NBAS: variants seen among roughly 807,000 people sequenced by gnomAD.
The protein encoded by NBAS is NAG/BC035112 fusion.
Under a neutral mutation model 302.5 loss-of-function variants are expected in NBAS, and 219 were observed. That is an observed-to-expected ratio of 0.72 (90% CI 0.65 to 0.81). The LOEUF (loss-of-function observed/expected upper bound fraction) is 0.81, where lower values mean the gene tolerates loss of function less well. Ranked by LOEUF, NBAS falls within the 30% of genes least tolerant of loss-of-function variation. NBAS has a pLI of 0.00. For synonymous variants in NBAS, 1,118 were observed against 1,021.6 expected (o/e 1.09, Z -1.80); for missense variants, 2,932 against 2,841.6 (o/e 1.03, Z -0.72).
intron 9 of NBAS, among the ~76,000 whole-genome samples, chr2:15,529,910 G>C (rs1329806171): frequency 6.6e-6 from 1 of 152,052 alleles, no homozygotes; most frequent in African/African-American, 2.4e-5. Flanking sequence ...AAAGTGTTTT[G>C]TTAAAATAAA....
chr2:14,909,126 A>G, the NBAS span, among the ~76,000 whole-genome samples: 1 of 152,104 alleles, frequency 6.6e-6, no homozygotes, highest in Non-Finnish European at 1.5e-5. Context: ...AGGTCAGGAG[A>G]TCGAGACCAC....
At chr2:15,265,132 T>A (rs1669021245) in intron 44 of NBAS, among the ~76,000 whole-genome samples, 1 of 152,224 alleles carries the variant, frequency 6.6e-6, no homozygotes, top group Admixed American at 6.5e-5. Context: ...AGACATTGTA[T>A]AGGCTGATAG....
At chr2:15,047,237 A>T in the NBAS span, among the ~76,000 whole-genome samples, 1 of 152,264 alleles carries the variant, frequency 6.6e-6, no homozygotes, top group Non-Finnish European at 1.5e-5. Context: ...TATAGTGAAC[A>T]AGGGAGAAGG....
At position 15,167,853 on chromosome 2, in the gene NBAS, A is replaced by T. The variant is rs112811372; in HGVS notation, c.6841-530T>A. Among the ~76,000 whole-genome samples the T allele has an allele frequency of 9.0e-3, 1,377 of 152,202 alleles. 17 individuals carry two copies. The highest frequency in any genetic ancestry group is 0.031 in the African/African-American group (1,299 of 41,514). ...TTGAATATAAATACACATGAAAAAAATTTTTTTGGAACAAGAAAACCTTTT... is the reference window on the plus strand; with the variant it reads ...TTGAATATAAATACACATGAAAAAATTTTTTTTGGAACAAGAAAACCTTTT... On this transcript the variant is annotated intron_variant, in intron 51 of 51. Transcript: ENST00000281513.
At chr2:15,519,536 C>G (rs1352836053) in intron 9 of NBAS, among the ~76,000 whole-genome samples, 1 of 152,064 alleles carries the variant, frequency 6.6e-6, no homozygotes, top group East Asian at 1.9e-4. Context: ...CTCCCAGGTT[C>G]CAGTGATCTT....
chr2:15,031,756 G>A, the NBAS span, among the ~76,000 whole-genome samples: 1 of 152,212 alleles, frequency 6.6e-6, no homozygotes, highest in Non-Finnish European at 1.5e-5. Context: ...CAACACTGTT[G>A]CATGAAGACA....
At chr2:15,359,215 C>G (rs1673777557) in intron 32 of NBAS, among the ~76,000 whole-genome samples, 1 of 151,226 alleles carries the variant, frequency 6.6e-6, no homozygotes, top group Non-Finnish European at 1.5e-5. Flanking sequence ...CACTAAGTGA[C>G]TTCTGCATGC....
chr2:15,109,423 C>A, the NBAS span, among the ~76,000 whole-genome samples: 35 of 152,260 alleles, frequency 2.3e-4, no homozygotes, highest in African/African-American at 8.4e-4. Context: ...GCTCCTTACC[C>A]CATGGGACAC....
At chr2:14,976,125 G>GA in the NBAS span, among the ~76,000 whole-genome samples, 1 of 152,250 alleles carries the variant, frequency 6.6e-6, no homozygotes, top group Non-Finnish European at 1.5e-5. Context: ...GTAGAGCTAA[G>GA]AAGCAATGAA....
the NBAS span, among the ~76,000 whole-genome samples, chr2:15,046,003 C>T: frequency 6.6e-6 from 1 of 152,312 alleles, no homozygotes; most frequent in African/African-American, 2.4e-5. Flanking sequence ...AATTAGTGAG[C>T]TCTTCCAGCT....
chr2:15,426,979 A>G (rs1229592012), intron 22 of NBAS, among the ~76,000 whole-genome samples: 5 of 152,146 alleles, frequency 3.3e-5, no homozygotes, highest in Admixed American at 3.3e-4. Context: ...TGCATCTGGG[A>G]GCAGGGAGTG....
At chr2:14,876,852 T>C in the NBAS span, among the ~76,000 whole-genome samples, 1 of 152,248 alleles carries the variant, frequency 6.6e-6, no homozygotes, top group African/African-American at 2.4e-5. Context: ...ATTCCTGATG[T>C]GTCCAGCCTG....
intron 42 of NBAS, among the ~76,000 whole-genome samples, chr2:15,277,666 G>C (rs1669646505): frequency 6.6e-6 from 1 of 152,110 alleles, no homozygotes; most frequent in Non-Finnish European, 1.5e-5. Flanking sequence ...ACTTTCACTT[G>C]GGTTATCTGC....
intron 48 of NBAS, among the ~76,000 whole-genome samples, chr2:15,207,215 C>T (rs1020066421): frequency 2.0e-5 from 3 of 152,176 alleles, no homozygotes; most frequent in African/African-American, 4.8e-5. Flanking sequence ...GAATTTGGAG[C>T]TTTAAAATTT....
chr2:14,942,178 T>A, the NBAS span, among the ~76,000 whole-genome samples: 1 of 152,228 alleles, frequency 6.6e-6, no homozygotes, highest in Non-Finnish European at 1.5e-5. Context: ...TCGTTCAGGA[T>A]AATTTTGTAT....
At chr2:14,790,909 G>T in the NBAS span, among the ~76,000 whole-genome samples, 1 of 152,148 alleles carries the variant, frequency 6.6e-6, no homozygotes, top group Non-Finnish European at 1.5e-5. Flanking sequence ...AGACTGGAGT[G>T]CAATGGCGCG....
chr2:15,083,514 A>C, the NBAS span, among the ~76,000 whole-genome samples: 1 of 152,258 alleles, frequency 6.6e-6, no homozygotes, highest in East Asian at 1.9e-4. Flanking sequence ...TCTAAAACTG[A>C]AAATTGTTGT....
chr2:15,134,232 A>C, the NBAS span, among the ~76,000 whole-genome samples: 3 of 152,162 alleles, frequency 2.0e-5, no homozygotes, highest in African/African-American at 7.2e-5. Flanking sequence ...CTCTTACAAA[A>C]GAGACCCCAA....
the NBAS span, among the ~76,000 whole-genome samples, chr2:14,827,451 G>T: frequency 7.2e-5 from 11 of 152,186 alleles, no homozygotes; most frequent in African/African-American, 2.7e-4. Context: ...TCAGCTTGAA[G>T]AAACACTGGC....
Sources: allele counts gnomAD v4.1 joint callset (sites outside exome capture counted in the v4.1 genomes callset), GRCh38; gene constraint gnomAD v4.1.1; transcripts MANE v1.5; gene names NCBI Gene and HGNC (gene_info 2026-07-23, HGNC 2026-07-21).